Variants in CLEC16A observed in about 807,000 individuals in gnomAD.
CLEC16A encodes the protein C-type lectin domain containing 16A, also known as protein CLEC16A.
Under a neutral mutation model 109.5 loss-of-function variants are expected in CLEC16A, and 51 were observed. The observed-to-expected ratio is 0.47, with a 90% CI of 0.37 to 0.59. The LOEUF (loss-of-function observed/expected upper bound fraction) is 0.59, where lower values mean the gene tolerates loss of function less well. Ranked by LOEUF, CLEC16A falls within the 20% of genes least tolerant of loss-of-function variation. The pLI is 0.00. For synonymous variants in CLEC16A, 673 were observed against 564.2 expected (o/e 1.19, Z -2.73); for missense variants, 1,339 against 1,394.0 (o/e 0.96, Z 0.63).
At chr16:11,055,270 C>T (rs2048150522) in intron 18 of CLEC16A, among the ~76,000 whole-genome samples, 2 of 152,182 alleles carry the variant, frequency 1.3e-5, no homozygotes, top group African/African-American at 4.8e-5. Flanking sequence ...AAACAGCATG[C>T]CATAGCCAGG....
chr16:10,969,266 C>T lies in CLEC16A; in HGVS notation c.449C>T (p.Ser150Leu), dbSNP rs749052302. 6.2e-7 allele frequency: 1 copy of T among 1,611,144 alleles called. No individual in the cohort carries two copies. ...AYYISFLKTL[S>L]LKLNNHTVHF... Reference sequence around the variant, plus strand: ...TATATATCGTTCCTGAAAACACTTTCGTTAAAACTCAACAACCACACTGTC... The same window carrying T: ...TATATATCGTTCCTGAAAACACTTTTGTTAAAACTCAACAACCACACTGTC... The change falls in exon 4 of 24, where the codon TCG (serine) becomes TTG (leucine). Residue 150 changes from serine (S) to leucine (L), a missense_variant. Coordinates refer to ENST00000409790, the MANE Select transcript of CLEC16A (RefSeq NM_015226.3).
chr16:11,164,883 G>T (rs552677430), intron 22 of CLEC16A, among the ~76,000 whole-genome samples: 1 of 152,242 alleles, frequency 6.6e-6, no homozygotes, highest in Non-Finnish European at 1.5e-5. Flanking sequence ...TTAGTAGAGA[G>T]CTGGACCGTG....
intron 10 of CLEC16A, among the ~76,000 whole-genome samples, chr16:10,993,239 C>T (rs7192393): frequency 0.25 from 37,701 of 151,828 alleles, 5,165 homozygotes; most frequent in African/African-American, 0.36. Flanking sequence ...ATTAACCGGG[C>T]GTGATGATGC....
intron 11 of CLEC16A, among the ~76,000 whole-genome samples, chr16:11,005,474 C>G (rs149645805): frequency 1.2e-4 from 18 of 152,310 alleles, no homozygotes; most frequent in Admixed American, 1.1e-3. Context: ...ACACATGGCT[C>G]TCAATGACCT....
chr16:10,953,163 G>A (rs2041818218), intron 1 of CLEC16A, among the ~76,000 whole-genome samples: 1 of 152,230 alleles, frequency 6.6e-6, no homozygotes, highest in Admixed American at 6.5e-5. Context: ...CAGACAGTAT[G>A]GTCTTGATAC....
intron 22 of CLEC16A, among the ~76,000 whole-genome samples, chr16:11,145,193 CT>C (rs1249002539): frequency 6.6e-6 from 1 of 152,148 alleles, no homozygotes; most frequent in Non-Finnish European, 1.5e-5. Context: ...AGCTGATGGG[CT>C]TCAAGCAGAG....
intron 22 of CLEC16A, among the ~76,000 whole-genome samples, chr16:11,129,180 G>T (rs181492104): frequency 6.6e-6 from 1 of 152,104 alleles, no homozygotes; most frequent in Non-Finnish European, 1.5e-5. Context: ...TGCTTAAAAA[G>T]TATTACAGAA....
intron 11 of CLEC16A, among the ~76,000 whole-genome samples, chr16:11,013,362 C>G (rs1298481830): frequency 6.6e-6 from 1 of 152,138 alleles, no homozygotes; most frequent in African/African-American, 2.4e-5. Flanking sequence ...GGCATGGTGG[C>G]TCACACCTGT....
chr16:11,168,081 C>T (rs752349595), intron 23 of CLEC16A, among the ~76,000 whole-genome samples: 1 of 152,274 alleles, frequency 6.6e-6, no homozygotes, highest in Non-Finnish European at 1.5e-5. Flanking sequence ...AACAAACAGC[C>T]ATATACTTCT....
intron 10 of CLEC16A, among the ~76,000 whole-genome samples, chr16:10,995,119 G>T (rs1051966068): frequency 6.6e-6 from 1 of 152,090 alleles, no homozygotes; most frequent in Admixed American, 6.5e-5. Flanking sequence ...GCCATGCTGG[G>T]CACATTTTAA....
intron 19 of CLEC16A, among the ~76,000 whole-genome samples, chr16:11,075,412 C>CTG (rs375261875): frequency 0.29 from 34,589 of 120,184 alleles, 4,150 homozygotes; most frequent in African/African-American, 0.34. Flanking sequence ...GTGTGTGTGT[C>CTG]TGTGTGTGTG....
At position 11,181,864 on chromosome 16, in the gene CLEC16A, G is replaced by C. The variant is rs200307896; in HGVS notation, c.*3174G>C. ...GAGATGCACCGTTTTTTAAAAAGGC[G>C]TGGGGTGAACTGATTTTGATCTTCT... On this transcript the variant is annotated 3_prime_UTR_variant, in exon 24 of 24. Coordinates refer to ENST00000409790, the MANE Select transcript of CLEC16A (RefSeq NM_015226.3). The C allele has an allele frequency of 6.5e-6, 1 of 152,802 alleles. No homozygotes were observed. The highest frequency in any genetic ancestry group is 2.1e-4 in the South Asian group (1 of 4,830). 9.5% of individuals were successfully genotyped at this position (152,802 alleles called of 1,614,324 possible). A position where few individuals can be genotyped will look rare whatever the true frequency, so the allele number is the denominator to read the frequency against.
At chr16:11,011,973 T>C (rs1195056109) in intron 11 of CLEC16A, among the ~76,000 whole-genome samples, 1 of 152,158 alleles carries the variant, frequency 6.6e-6, no homozygotes, top group Non-Finnish European at 1.5e-5. Flanking sequence ...CACTTAGAGT[T>C]GTTTATTGCT....
chr16:10,984,233 G>A (rs963713897), intron 10 of CLEC16A, among the ~76,000 whole-genome samples: 1 of 152,140 alleles, frequency 6.6e-6, no homozygotes, highest in Non-Finnish European at 1.5e-5. Context: ...CCTTCCACTG[G>A]TTTTGGTGTA....
At chr16:11,137,568 G>T (rs1025018766) in intron 22 of CLEC16A, among the ~76,000 whole-genome samples, 1 of 134,390 alleles carries the variant, frequency 7.4e-6, no homozygotes, top group African/African-American at 2.8e-5. Flanking sequence ...CTAGCTGGGT[G>T]ACAGAGCGAG....
rs766735356 is a variant in CLEC16A at position 11,020,191 on chromosome 16, A to G, written c.1304-2A>G. ...CATCCCAGTCTCCATTTTGGCTTCC[A>G]GAGATCGAGATGGTGATCATGGAGC... On this transcript the variant is annotated splice_acceptor_variant, in intron 11 of 23. Transcript: ENST00000409790. LOFTEE classifies it high-confidence loss of function. 1.2e-6 allele frequency: 2 copies of G among 1,608,088 alleles called. No homozygotes were observed. The highest frequency in any genetic ancestry group is 2.2e-5 in the East Asian group (1 of 44,694).
intron 19 of CLEC16A, among the ~76,000 whole-genome samples, chr16:11,061,756 A>G (rs2048491518): frequency 6.6e-6 from 1 of 152,200 alleles, no homozygotes; most frequent in Non-Finnish European, 1.5e-5. Context: ...AGACCAGCTT[A>G]AGGAAAAGAA....
chr16:11,008,506 T>G (rs1200800517), intron 11 of CLEC16A, among the ~76,000 whole-genome samples: 4 of 152,112 alleles, frequency 2.6e-5, no homozygotes, highest in Admixed American at 6.6e-5. Flanking sequence ...GTGGACGTCC[T>G]TGGGTGCTGA....
intron 19 of CLEC16A, among the ~76,000 whole-genome samples, chr16:11,118,374 T>A (rs202212945): frequency 6.1e-5 from 1 of 16,338 alleles, no homozygotes; most frequent in African/African-American, 1.8e-3. Context: ...ATAAGGGACG[T>A]TAATTCTCAT....
Sources: gnomAD v4.1 joint callset for allele counts (sites outside exome capture counted in the v4.1 genomes callset) on GRCh38, gnomAD v4.1.1 for gene constraint, MANE v1.5 for transcripts, NCBI Gene and HGNC (gene_info 2026-07-23, HGNC 2026-07-21) for gene names.